The following KLF8 variants were observed in gnomAD, a reference collection of about 807,000 sequenced individuals.
The protein encoded by KLF8 is Krueppel-like factor 8.
A neutral mutation model predicts 18.2 loss-of-function variants in KLF8; 10 were observed. The observed-to-expected ratio is 0.55, with a 90% CI of 0.34 to 0.93. The LOEUF (loss-of-function observed/expected upper bound fraction) is 0.93. KLF8 is among the 40% of genes least tolerant of loss of function. KLF8 has a pLI of 0.02. For synonymous variants in KLF8, 109 were observed against 97.3 expected (o/e 1.12, Z -0.71); for missense variants, 264 against 277.9 (o/e 0.95, Z 0.36).
chrX:55,999,188 C>T, the KLF8 span, among the ~76,000 whole-genome samples: 1 of 102,904 alleles, frequency 9.7e-6, no homozygotes, highest in African/African-American at 3.5e-5. Flanking sequence ...CTATCCTGTT[C>T]TATTGGTCTA....
At chrX:56,276,042 T>C (rs1221244596) in intron 5 of KLF8, among the ~76,000 whole-genome samples, 1 of 111,781 alleles carries the variant, frequency 8.9e-6, no homozygotes, top group Non-Finnish European at 1.9e-5. Flanking sequence ...CAAAATAGTT[T>C]CAGTAGAATT....
the KLF8 span, among the ~76,000 whole-genome samples, chrX:56,205,782 TC>T: frequency 8.9e-6 from 1 of 111,947 alleles, no homozygotes; most frequent in South Asian, 3.8e-4. Context: ...AGCCACTGGG[TC>T]CCAGGATTTT....
the KLF8 span, among the ~76,000 whole-genome samples, chrX:56,075,830 T>A: frequency 1.8e-5 from 2 of 112,180 alleles, no homozygotes; most frequent in Non-Finnish European, 3.8e-5. Flanking sequence ...ACCCAGTTGT[T>A]GCAAATGACA....
Position 56,286,607 on chromosome X carries a change from CATT to C in KLF8, c.*2115_*2117del, listed in dbSNP as rs2067270953. 1 of 112,699 alleles carries C rather than the reference CATT, an allele frequency of 8.9e-6. No individual in the cohort carries two copies. The highest frequency in any genetic ancestry group is 3.2e-5 in the African/African-American group (1 of 31,001). 9.3% of individuals were successfully genotyped at this position (112,699 alleles called of 1,213,427 possible). A position where few individuals can be genotyped will look rare whatever the true frequency, so the allele number is the denominator to read the frequency against. On this transcript the variant is annotated 3_prime_UTR_variant, in exon 6 of 6. Coordinates refer to ENST00000468660, the MANE Select transcript of KLF8 (RefSeq NM_007250.5). ...TGTACTTGTGGTCATTGCCGTATAA[CATT>C]AGGCACACGCTTCTAACACTTCTAT...
At chrX:55,977,829 T>C in the KLF8 span, among the ~76,000 whole-genome samples, 1 of 111,143 alleles carries the variant, frequency 9.0e-6, no homozygotes, top group Admixed American at 9.6e-5. Context: ...CAGGGAGACC[T>C]TTTGGAAGGG....
the KLF8 span, among the ~76,000 whole-genome samples, chrX:56,147,803 ACTCTGT>A: frequency 8.9e-6 from 1 of 111,977 alleles, no homozygotes; most frequent in Non-Finnish European, 1.9e-5. Context: ...ACATGGCGAA[ACTCTGT>A]CTCTACTAAA....
chrX:56,079,906 C>A, the KLF8 span, among the ~76,000 whole-genome samples: 1 of 111,014 alleles, frequency 9.0e-6, no homozygotes, highest in Non-Finnish European at 1.9e-5. Context: ...TATGTGATGG[C>A]CTTCTTTGTC....
At chrX:56,129,412 C>A in the KLF8 span, among the ~76,000 whole-genome samples, 1 of 111,811 alleles carries the variant, frequency 8.9e-6, no homozygotes, top group Non-Finnish European at 1.9e-5. Context: ...CACTGGGGAA[C>A]CTGAAGGTCC....
At chrX:56,170,401 A>T in the KLF8 span, among the ~76,000 whole-genome samples, 1 of 110,935 alleles carries the variant, frequency 9.0e-6, no homozygotes, top group South Asian at 3.8e-4. Context: ...AAGAGAATTG[A>T]AAATAGTTAC....
At chrX:56,152,918 T>A in the KLF8 span, among the ~76,000 whole-genome samples, 1 of 111,944 alleles carries the variant, frequency 8.9e-6, no homozygotes, top group East Asian at 2.8e-4. Context: ...TGAGCTCACA[T>A]AGCATAGCAT....
the KLF8 span, among the ~76,000 whole-genome samples, chrX:56,118,920 C>T: frequency 9.0e-6 from 1 of 111,458 alleles, no homozygotes; most frequent in South Asian, 3.7e-4. Context: ...ATATAGTTCA[C>T]ATAGGCTCAT....
the KLF8 span, among the ~76,000 whole-genome samples, chrX:56,096,014 A>T: frequency 8.9e-6 from 1 of 111,877 alleles, no homozygotes; most frequent in African/African-American, 3.2e-5. Flanking sequence ...TTATCATAGC[A>T]CTATTTACAA....
chrX:56,060,262 C>T, the KLF8 span, among the ~76,000 whole-genome samples: 1 of 111,208 alleles, frequency 9.0e-6, no homozygotes, highest in Non-Finnish European at 1.9e-5. Flanking sequence ...TGTCTTGTAC[C>T]AGTTTTCAAA....
At chrX:56,124,172 T>G in the KLF8 span, among the ~76,000 whole-genome samples, 1 of 111,905 alleles carries the variant, frequency 8.9e-6, no homozygotes, top group Non-Finnish European at 1.9e-5. Context: ...TTGCTCTACA[T>G]TTTTGTTTCT....
chrX:55,981,683 C>T, the KLF8 span, among the ~76,000 whole-genome samples: 2 of 111,798 alleles, frequency 1.8e-5, no homozygotes, highest in Non-Finnish European at 3.8e-5. Flanking sequence ...ACCATCTTTC[C>T]CACAGCCTTC....
At chrX:56,052,579 C>G in the KLF8 span, among the ~76,000 whole-genome samples, 1 of 111,717 alleles carries the variant, frequency 9.0e-6, no homozygotes, top group Admixed American at 9.5e-5. Context: ...TTAGGCTGCC[C>G]GGGGGTCAGG....
At chrX:56,174,542 T>G in the KLF8 span, among the ~76,000 whole-genome samples, 2 of 112,066 alleles carry the variant, frequency 1.8e-5, no homozygotes, top group Non-Finnish European at 3.8e-5. Flanking sequence ...ATCAAGGATA[T>G]TCGTCTAAAA....
At chrX:55,962,187 A>G in the KLF8 span, 3 of 161,460 alleles carry the variant, frequency 1.9e-5, no homozygotes, top group South Asian at 2.6e-4. Flanking sequence ...CATTCTTAAC[A>G]CCGAAATTTG....
the KLF8 span, among the ~76,000 whole-genome samples, chrX:56,046,859 G>T: frequency 1.4e-4 from 16 of 111,062 alleles, no homozygotes; most frequent in Non-Finnish European, 9.4e-5. Flanking sequence ...GTGCTTAGGC[G>T]ATGATCTTTT....
Sources: allele counts gnomAD v4.1 joint callset (sites outside exome capture counted in the v4.1 genomes callset), GRCh38; gene constraint gnomAD v4.1.1; transcripts MANE v1.5; gene names NCBI Gene and HGNC (gene_info 2026-07-23, HGNC 2026-07-21).